Variants in DZANK1 observed in about 807,000 individuals in gnomAD.
The protein encoded by DZANK1 is double zinc ribbon and ankyrin repeat domains 1.
Under a neutral mutation model 94.5 loss-of-function variants are expected in DZANK1, and 91 were observed. The observed-to-expected ratio is 0.96, with a 90% CI of 0.81 to 1.15. DZANK1 has a LOEUF of 1.15. Ranked by LOEUF, DZANK1 falls within the 50% of genes most tolerant of loss-of-function variation. DZANK1 has a pLI of 0.00. For missense variants in DZANK1, 903 were observed against 916.4 expected (o/e 0.99, Z 0.19); for synonymous variants, 312 against 325.3 (o/e 0.96, Z 0.44).
chr20:18,431,714 C>G (rs1484841357), intron 9 of DZANK1, among the ~76,000 whole-genome samples: 1 of 152,160 alleles, frequency 6.6e-6, no homozygotes, highest in African/African-American at 2.4e-5. Context: ...TAAAACCTGT[C>G]CCCACTTTCA....
intron 13 of DZANK1, among the ~76,000 whole-genome samples, chr20:18,408,929 T>C (rs1297549914): frequency 6.6e-6 from 1 of 152,094 alleles, no homozygotes; most frequent in Non-Finnish European, 1.5e-5. Context: ...GACTAAATTA[T>C]GAACCAATCA....
At chr20:18,405,804 G>T (rs937947940) in intron 13 of DZANK1, among the ~76,000 whole-genome samples, 9 of 152,148 alleles carry the variant, frequency 5.9e-5, no homozygotes, top group Non-Finnish European at 1.3e-4. Flanking sequence ...CAGGAGAGAC[G>T]GTCTTGAATC....
At chr20:18,433,879 T>A in intron 8 of DZANK1, 114 bp from the exon 9 acceptor site, 2 of 862,822 alleles carry the variant, frequency 2.3e-6, no homozygotes, top group Non-Finnish European at 3.6e-6. Context: ...CCCGATCTCA[T>A]CTGATCTCAA....
intron 6 of DZANK1, chr20:18,451,750 C>T (rs1182289596): frequency 2.3e-6 from 1 of 425,952 alleles, no homozygotes; most frequent in Non-Finnish European, 4.5e-6. Context: ...GAGAGGCAGA[C>T]TTGGCTCCTC....
At chr20:18,402,489 C>T (rs973762740) in intron 13 of DZANK1, among the ~76,000 whole-genome samples, 18 of 152,102 alleles carry the variant, frequency 1.2e-4, no homozygotes, top group Admixed American at 3.3e-4. Flanking sequence ...CATAAACATA[C>T]GGTGCATGTG....
Position 18,389,251 on chromosome 20 carries a change from A to G in DZANK1, c.2018+450T>C, listed in dbSNP as rs562549923. Among the ~76,000 whole-genome samples, 5 of 152,270 alleles carry G rather than the reference A, an allele frequency of 3.3e-5. No homozygotes were observed. In the East Asian group the frequency reaches 9.6e-4, roughly 29 times the overall value. ...GAGACCATGTGGTGACCTCAGATGTACCAGTCTCCTCTGCAGTGGTGTGAG... is the reference window on the plus strand; with the variant it reads ...GAGACCATGTGGTGACCTCAGATGTGCCAGTCTCCTCTGCAGTGGTGTGAG... On this transcript the variant is annotated intron_variant, in intron 19 of 20. Coordinates refer to ENST00000262547, the Ensembl canonical transcript of DZANK1.
intron 10 of DZANK1, among the ~76,000 whole-genome samples, chr20:18,422,596 T>C (rs1375130715): frequency 1.3e-5 from 2 of 152,208 alleles, no homozygotes; most frequent in African/African-American, 2.4e-5. Context: ...AGGCCATTTG[T>C]ATAACGTGTA....
At chr20:18,400,188 TAGGAC>T (rs2056595467) in intron 13 of DZANK1, among the ~76,000 whole-genome samples, 3 of 152,226 alleles carry the variant, frequency 2.0e-5, no homozygotes, top group African/African-American at 7.2e-5. Flanking sequence ...GATAAAGACT[TAGGAC>T]AGGTGGTTTC....
At position 18,405,062 on chromosome 20, in the gene DZANK1, G is replaced by GGT. The variant is rs551789911; in HGVS notation, c.1433-6438_1433-6437dup. 2.6e-5 allele frequency among the ~76,000 whole-genome samples: 4 copies of GGT among 152,056 alleles called. No individual in the cohort carries two copies. The South Asian group carries it at 8.3e-4, about 32-fold the overall frequency. On this transcript the variant is annotated intron_variant, in intron 13 of 20. Transcript: ENST00000262547. ...TTTTTTTTAATTAGCCAAGCATGAT[G>GGT]GTGTGCACCTTTAGTCCCAGTTGCT...
At chr20:18,436,924 T>C (rs1007366017) in intron 8 of DZANK1, among the ~76,000 whole-genome samples, 10 of 152,134 alleles carry the variant, frequency 6.6e-5, no homozygotes, top group African/African-American at 2.2e-4. Flanking sequence ...AAACCAGAAT[T>C]ACATCTGCAG....
At chr20:18,388,346 T>C (rs2048638690) in intron 19 of DZANK1, among the ~76,000 whole-genome samples, 1 of 152,144 alleles carries the variant, frequency 6.6e-6, no homozygotes, top group African/African-American at 2.4e-5. Context: ...TAAATGCCAA[T>C]TTACAGAATG....
Position 18,431,365 on chromosome 20 carries a change from A to AG in DZANK1, c.861+2286dup, listed in dbSNP as rs376650835. ...CAGATGGTGCTTTTGCACTCAGTGG[A>AG]GTGAGCTAGAGACCAACGCAGAAAG... On this transcript the variant is annotated intron_variant, in intron 9 of 20. Coordinates refer to ENST00000262547, the Ensembl canonical transcript of DZANK1. Among the ~76,000 whole-genome samples, 969 of 152,160 alleles carry AG rather than the reference A, an allele frequency of 6.4e-3. 3 individuals carry two copies. The highest frequency in any genetic ancestry group is 0.01 in the Admixed American group (157 of 15,276).
intron 17 of DZANK1, among the ~76,000 whole-genome samples, chr20:18,392,334 G>A (rs1188293386): frequency 3.3e-5 from 5 of 152,146 alleles, no homozygotes; most frequent in African/African-American, 1.2e-4. Flanking sequence ...AAATGTACTG[G>A]TGTTTGTTAC....
At chr20:18,460,283 A>G in exon 3 of DZANK1, 1 of 1,573,828 alleles carries the variant, frequency 6.4e-7, no homozygotes, top group Non-Finnish European at 8.7e-7. Context: ...TCCAGAGTAT[A>G]ATATATGTTG....
chr20:18,385,234 C>A, intron 19 of DZANK1, 144 bp from the exon 20 acceptor site: 1 of 700,646 alleles, frequency 1.4e-6, no homozygotes, highest in Non-Finnish European at 2.5e-6. Flanking sequence ...CTCTCTCTGC[C>A]TTTCTCTTGG....
intron 8 of DZANK1, among the ~76,000 whole-genome samples, chr20:18,435,011 G>C (rs2058461618): frequency 6.6e-6 from 1 of 152,190 alleles, no homozygotes; most frequent in Non-Finnish European, 1.5e-5. Flanking sequence ...TTAGTTGACA[G>C]GAGGCTATGC....
chr20:18,393,454 C>T lies in DZANK1; in HGVS notation c.1809+257G>A, dbSNP rs776620878. On this transcript the variant is annotated intron_variant, in intron 17 of 20. Transcript: ENST00000262547. ...TTCCATATTTGAGGCAAACCAAAGT[C>T]GAAAGATAGGCAGACAGAACTGACC... Among the ~76,000 whole-genome samples the T allele has an allele frequency of 4.6e-5, 7 of 152,012 alleles. No individual in the cohort carries two copies. The East Asian group carries it at 5.8e-4, about 13-fold the overall frequency.
chr20:18,466,625 A>G (rs1459134860), intron 1 of DZANK1, among the ~76,000 whole-genome samples: 2 of 152,248 alleles, frequency 1.3e-5, no homozygotes, highest in Non-Finnish European at 2.9e-5. Flanking sequence ...AAAAATATGT[A>G]GGAGAGGAAG....
intron 8 of DZANK1, among the ~76,000 whole-genome samples, chr20:18,437,410 C>A (rs759746518): frequency 9.2e-5 from 14 of 152,006 alleles, no homozygotes; most frequent in Admixed American, 2.0e-4. Flanking sequence ...GAAGCCCTAT[C>A]TCTATGAAAA....
Sources: gnomAD v4.1 joint callset for allele counts (sites outside exome capture counted in the v4.1 genomes callset) on GRCh38, gnomAD v4.1.1 for gene constraint, MANE v1.5 for transcripts, NCBI Gene and HGNC (gene_info 2026-07-23, HGNC 2026-07-21) for gene names.